Variants in ITPR1 observed in about 807,000 individuals in gnomAD.
ITPR1 encodes the protein inositol 1,4,5-trisphosphate receptor type 1, also known as inositol 1,4,5-trisphosphate-gated calcium channel ITPR1.
In ITPR1, 96 loss-of-function variants were observed where a neutral mutation model predicts 318.4. That is an observed-to-expected ratio of 0.30 (90% CI 0.26 to 0.36). The LOEUF is 0.36. Among genes scored for constraint, ITPR1 ranks in the 10% least tolerant of loss-of-function variants. ITPR1 has a pLI of 1.00. For missense variants in ITPR1, 2,440 were observed against 3,460.2 expected (o/e 0.71, Z 7.40); for synonymous variants, 1,312 against 1,289.9 (o/e 1.02, Z -0.37).
At chr3:4,684,203 A>C (rs2094350611) in intron 28 of ITPR1, 78 bp from the exon 29 acceptor site, 1 of 901,904 alleles carries the variant, frequency 1.1e-6, no homozygotes, top group South Asian at 1.4e-5. Flanking sequence ...TCTTTCCTAA[A>C]GGTCGATGCT....
At position 4,766,615 on chromosome 3, in the gene ITPR1, A is replaced by G. The variant is rs1435502475; in HGVS notation, c.5630A>G (p.Gln1877Arg). 5 of 1,613,948 alleles carry G rather than the reference A, an allele frequency of 3.1e-6. No individual in the cohort carries two copies. The highest frequency in any genetic ancestry group is 1.7e-5 in the Admixed American group (1 of 60,022). The change falls in exon 45 of 62, where the codon CAA (glutamine) becomes CGA (arginine). Residue 1877 changes from glutamine (Q) to arginine (R), a missense_variant. Gln to Arg is a conservative substitution (Grantham distance 43). Transcript: ENST00000649015. ...VFYDRMKVAQ[Q>R]EIKATVTVNT... is the part of the protein sequence containing the mutation. ...TATGACCGGATGAAGGTGGCCCAGC[A>G]AGAAATCAAAGCAACAGTGACAGTG...
At chr3:4,575,957 C>A (rs1019991781) in intron 4 of ITPR1, among the ~76,000 whole-genome samples, 2 of 150,504 alleles carry the variant, frequency 1.3e-5, no homozygotes. Flanking sequence ...GAGGTCGAGG[C>A]TGCAGTGAGC....
intron 28 of ITPR1, 132 bp from the exon 29 acceptor site, chr3:4,684,149 C>G: frequency 1.5e-6 from 1 of 674,666 alleles, no homozygotes; most frequent in Non-Finnish European, 2.6e-6. Context: ...ATGACTGGGG[C>G]ATAAGCCCAG....
intron 60 of ITPR1, among the ~76,000 whole-genome samples, chr3:4,829,796 G>A (rs1382972665): frequency 1.3e-5 from 2 of 151,868 alleles, no homozygotes; most frequent in African/African-American, 4.8e-5. Context: ...TCCACCTTTA[G>A]AATATCACAC....
intron 60 of ITPR1, among the ~76,000 whole-genome samples, chr3:4,828,209 A>G (rs965129773): frequency 2.0e-5 from 3 of 152,292 alleles, no homozygotes; most frequent in South Asian, 2.1e-4. Flanking sequence ...AACAAACACA[A>G]TGCATTGTTG....
At chr3:4,758,407 C>G (rs1334697257) in intron 44 of ITPR1, among the ~76,000 whole-genome samples, 3 of 152,222 alleles carry the variant, frequency 2.0e-5, no homozygotes, top group Non-Finnish European at 4.4e-5. Context: ...CCCGCCACTG[C>G]CCTGTCTTGC....
chr3:4,571,477 T>A (rs556627844), intron 4 of ITPR1, among the ~76,000 whole-genome samples: 1 of 152,074 alleles, frequency 6.6e-6, no homozygotes, highest in Non-Finnish European at 1.5e-5. Context: ...TAGCTGGGAC[T>A]ACAGGCACAT....
intron 4 of ITPR1, among the ~76,000 whole-genome samples, chr3:4,521,625 A>T (rs2082574173): frequency 6.6e-6 from 1 of 152,178 alleles, no homozygotes; most frequent in Non-Finnish European, 1.5e-5. Context: ...CAGGGTGTGG[A>T]GATTGCTAGA....
chr3:4,683,114 A>AT (rs1441221219), intron 26 of ITPR1, among the ~76,000 whole-genome samples: 2 of 152,242 alleles, frequency 1.3e-5, no homozygotes, highest in African/African-American at 4.8e-5. Context: ...AGAACACCCT[A>AT]TGTAGATGTT....
At chr3:4,703,388 C>A (rs1440914650) in intron 36 of ITPR1, among the ~76,000 whole-genome samples, 1 of 152,166 alleles carries the variant, frequency 6.6e-6, no homozygotes, top group Non-Finnish European at 1.5e-5. Context: ...CTCCCTTCTT[C>A]CCCTTGAGTA....
intron 61 of ITPR1, among the ~76,000 whole-genome samples, chr3:4,844,843 C>A (rs2051640171): frequency 6.6e-6 from 1 of 152,148 alleles, no homozygotes; most frequent in Non-Finnish European, 1.5e-5. Context: ...TCCACAGGAG[C>A]CTAAAAATAG....
intron 7 of ITPR1, 85 bp from the exon 8 acceptor site, chr3:4,644,051 T>G (rs1575863761): frequency 2.4e-6 from 2 of 825,368 alleles, no homozygotes. Flanking sequence ...CAGCACAGAC[T>G]CATATGTCTT....
chr3:4,766,810 A>G, intron 45 of ITPR1, 100 bp downstream of exon 45: 2 of 946,354 alleles, frequency 2.1e-6, no homozygotes, highest in Non-Finnish European at 3.0e-6. Flanking sequence ...AAAATGCATT[A>G]TGATGGGAGC....
At chr3:4,603,499 G>A (rs915814332) in intron 4 of ITPR1, among the ~76,000 whole-genome samples, 4 of 151,874 alleles carry the variant, frequency 2.6e-5, no homozygotes, top group Non-Finnish European at 4.4e-5. Context: ...GTGCAATCTC[G>A]GCTCACTGCA....
chr3:4,532,143 T>C (rs551933338), intron 4 of ITPR1, among the ~76,000 whole-genome samples: 1 of 152,268 alleles, frequency 6.6e-6, no homozygotes, highest in African/African-American at 2.4e-5. Context: ...CCCTATTGCA[T>C]TAACTGTGAG....
chr3:4,619,279 A>G (rs141639200), intron 4 of ITPR1, among the ~76,000 whole-genome samples: 27 of 152,254 alleles, frequency 1.8e-4, no homozygotes, highest in Admixed American at 7.2e-4. Context: ...GGGTTCTTTC[A>G]ACCTGGGGAG....
Position 4,545,368 on chromosome 3 carries a change from A to G in ITPR1, c.163+24274A>G, listed in dbSNP as rs968616852. ...CTGGGTACAGTGGCTCCTGCCTGTA[A>G]TTCCAGCACTTTGGGAGGCCAAGAT... On this transcript the variant is annotated intron_variant, in intron 4 of 61. Transcript: ENST00000649015. Among the ~76,000 whole-genome samples the G allele has an allele frequency of 3.3e-5, 5 of 152,102 alleles. No homozygotes were observed. The South Asian group carries it at 1.0e-3, about 32-fold the overall frequency.
At chr3:4,759,089 G>C (rs1175643833) in intron 44 of ITPR1, among the ~76,000 whole-genome samples, 1 of 152,220 alleles carries the variant, frequency 6.6e-6, no homozygotes. Flanking sequence ...CTTGCATCCA[G>C]TGATAATTCC....
intron 43 of ITPR1, 100 bp downstream of exon 43, chr3:4,733,320 A>C: frequency 1.4e-6 from 2 of 1,382,810 alleles, no homozygotes; most frequent in Non-Finnish European, 2.0e-6. Flanking sequence ...CAACAGATGA[A>C]TTTGTGTTGC....
Sources: gnomAD v4.1 joint callset for allele counts (sites outside exome capture counted in the v4.1 genomes callset) on GRCh38, gnomAD v4.1.1 for gene constraint, MANE v1.5 for transcripts, NCBI Gene and HGNC (gene_info 2026-07-23, HGNC 2026-07-21) for gene names.